The following EFNA5 variants were observed in gnomAD, a reference collection of about 807,000 sequenced individuals.
The protein encoded by EFNA5 is ephrin A5, also known as ephrin-A5.
In EFNA5, 5 loss-of-function variants were observed where a neutral mutation model predicts 22.9. The ratio of observed to expected loss-of-function variants is 0.22; its 90% CI spans 0.11 to 0.46. The LOEUF is 0.46. Ranked by LOEUF, EFNA5 falls within the 20% of genes least tolerant of loss-of-function variation. The probability of loss-of-function intolerance (pLI) is 0.99; values close to 1 mark genes in which losing one functional copy is unlikely to be tolerated. For missense variants in EFNA5, 237 were observed against 293.3 expected, an observed-to-expected ratio of 0.81 and a Z score of 1.40; for synonymous variants, 113 against 112.2, an observed-to-expected ratio of 1.01 and a Z score of -0.04.
chr5:107,557,772 T>C (rs1190919488), intron 1 of EFNA5, among the ~76,000 whole-genome samples: 1 of 152,226 alleles, frequency 6.6e-6, no homozygotes, highest in Non-Finnish European at 1.5e-5. Context: ...AAAGTTTTGT[T>C]ACCATTACAT....
chr5:107,559,316 CT>C (rs1430893152), intron 1 of EFNA5, among the ~76,000 whole-genome samples: 1 of 152,170 alleles, frequency 6.6e-6, no homozygotes, highest in Non-Finnish European at 1.5e-5. Flanking sequence ...GACTCTTCTT[CT>C]TAAACCATCA....
chr5:107,381,496 C>T, intron 4 of EFNA5, 120 bp from the exon 5 acceptor site: 2 of 1,154,148 alleles, frequency 1.7e-6, no homozygotes, highest in Non-Finnish European at 2.3e-6. Context: ...AACCTTGTGC[C>T]ACCATTGACT....
At chr5:107,387,814 C>G in intron 2 of EFNA5, 43 bp from the exon 3 acceptor site, 2 of 1,354,436 alleles carry the variant, frequency 1.5e-6, no homozygotes, top group Non-Finnish European at 2.1e-6. Context: ...AAGAAGAGAA[C>G]AACAACATAT....
chr5:107,540,776 A>T (rs1275583842), intron 1 of EFNA5, among the ~76,000 whole-genome samples: 1 of 152,204 alleles, frequency 6.6e-6, no homozygotes, highest in African/African-American at 2.4e-5. Flanking sequence ...ACCCTAAGGA[A>T]CTCATTAGAA....
At chr5:107,525,609 G>A (rs777694612) in intron 1 of EFNA5, among the ~76,000 whole-genome samples, 1 of 151,842 alleles carries the variant, frequency 6.6e-6, no homozygotes, top group Non-Finnish European at 1.5e-5. Context: ...AACATTATTA[G>A]GAAAATCATA....
chr5:107,432,718 T>C (rs990196623), intron 1 of EFNA5, among the ~76,000 whole-genome samples: 2 of 152,192 alleles, frequency 1.3e-5, no homozygotes, highest in African/African-American at 4.8e-5. Flanking sequence ...CATAAAAAGA[T>C]GGTCACTGCT....
chr5:107,491,627 T>C (rs1347377893), intron 1 of EFNA5, among the ~76,000 whole-genome samples: 1 of 152,010 alleles, frequency 6.6e-6, no homozygotes, highest in Non-Finnish European at 1.5e-5. Context: ...TTCTTTTTTC[T>C]TGGTGACTGG....
chr5:107,511,853 A>G (rs1168066827), intron 1 of EFNA5, among the ~76,000 whole-genome samples: 2 of 152,170 alleles, frequency 1.3e-5, no homozygotes, highest in Non-Finnish European at 2.9e-5. Context: ...ATATGTAGAC[A>G]TGGTTTGTTC....
At chr5:107,620,192 T>C (rs1750005422) in intron 1 of EFNA5, among the ~76,000 whole-genome samples, 1 of 152,234 alleles carries the variant, frequency 6.6e-6, no homozygotes, top group African/African-American at 2.4e-5. Context: ...GACAAAATCT[T>C]TGTTAACATT....
At chr5:107,602,192 T>C (rs768165796) in intron 1 of EFNA5, among the ~76,000 whole-genome samples, 3 of 152,210 alleles carry the variant, frequency 2.0e-5, no homozygotes, top group Non-Finnish European at 4.4e-5. Flanking sequence ...TCAGTCTCCA[T>C]TTAATGCAGG....
At chr5:107,414,580 A>G (rs1295248198) in intron 2 of EFNA5, among the ~76,000 whole-genome samples, 1 of 152,180 alleles carries the variant, frequency 6.6e-6, no homozygotes, top group Non-Finnish European at 1.5e-5. Context: ...GTCCTTCTAT[A>G]GCCACTGTAG....
rs142665947 is a variant in EFNA5 at position 107,656,850 on chromosome 5, T to C, written c.125+13639A>G. The stretch of plus-strand genomic sequence containing the variant: ...CAAATAGAGCTGAAATTTAATTAGC[T>C]CTGAAATAAAACCAAAAAATTTTAA... On this transcript the variant is annotated intron_variant, in intron 1 of 4. Coordinates refer to ENST00000333274, the MANE Select transcript of EFNA5 (RefSeq NM_001962.3). Among the ~76,000 whole-genome samples, 922 of 152,230 alleles carry C rather than the reference T, an allele frequency of 6.1e-3. 12 individuals carry two copies. The highest frequency in any genetic ancestry group is 0.02 in the African/African-American group (835 of 41,570).
At chr5:107,411,761 C>CT (rs1196136423) in intron 2 of EFNA5, among the ~76,000 whole-genome samples, 6 of 152,092 alleles carry the variant, frequency 3.9e-5, no homozygotes, top group African/African-American at 7.2e-5. Context: ...TATTTTTAAA[C>CT]TTTTTTCACA....
intron 2 of EFNA5, among the ~76,000 whole-genome samples, chr5:107,401,452 C>T (rs983603814): frequency 1.3e-5 from 2 of 152,030 alleles, no homozygotes; most frequent in Non-Finnish European, 2.9e-5. Flanking sequence ...ATTCATTAAC[C>T]CCAGTTTTAA....
intron 1 of EFNA5, among the ~76,000 whole-genome samples, chr5:107,607,800 C>G (rs1749753958): frequency 6.6e-6 from 1 of 152,070 alleles, no homozygotes; most frequent in Non-Finnish European, 1.5e-5. Flanking sequence ...CACAAAGGGC[C>G]TCACCTTGCT....
At chr5:107,411,989 A>G (rs1748379961) in intron 2 of EFNA5, among the ~76,000 whole-genome samples, 1 of 152,264 alleles carries the variant, frequency 6.6e-6, no homozygotes, top group Non-Finnish European at 1.5e-5. Flanking sequence ...TCAAATGTTC[A>G]TAATTATTAC....
At chr5:107,406,954 G>A (rs1455807867) in intron 2 of EFNA5, among the ~76,000 whole-genome samples, 5 of 152,122 alleles carry the variant, frequency 3.3e-5, no homozygotes, top group African/African-American at 1.2e-4. Context: ...TCTAATCACT[G>A]GCATATGATT....
At chr5:107,424,198 ATTTTTTTTTTTTTT>A (rs70996959) in intron 2 of EFNA5, among the ~76,000 whole-genome samples, 3 of 95,706 alleles carry the variant, frequency 3.1e-5, no homozygotes, top group Admixed American at 1.2e-4. Flanking sequence ...TCTTTCTTTC[ATTTTTTTTTTTTTT>A]TTTTTTTTTT....
chr5:107,477,086 G>A (rs902754379), intron 1 of EFNA5, among the ~76,000 whole-genome samples: 4 of 152,220 alleles, frequency 2.6e-5, no homozygotes, highest in Middle Eastern at 3.4e-3. Context: ...AACTCAACAC[G>A]AAAGCCAGCT....
Sources: gnomAD v4.1 joint callset for allele counts (sites outside exome capture counted in the v4.1 genomes callset) on GRCh38, gnomAD v4.1.1 for gene constraint, MANE v1.5 for transcripts, NCBI Gene and HGNC (gene_info 2026-07-23, HGNC 2026-07-21) for gene names.